Variants in VCL observed in about 807,000 individuals in gnomAD.
VCL encodes the protein vinculin.
Under a neutral mutation model 125.7 loss-of-function variants are expected in VCL, and 47 were observed. The observed-to-expected ratio is 0.37, with a 90% CI of 0.30 to 0.48. The LOEUF is 0.48. Ranked by LOEUF, VCL falls within the 20% of genes least tolerant of loss-of-function variation. The pLI is 0.99. For missense variants in VCL, 1,069 were observed against 1,455.5 expected (o/e 0.73, Z 4.32); for synonymous variants, 458 against 514.6 (o/e 0.89, Z 1.49).
In VCL at chr10:74,114,803, G is replaced by A; in HGVS notation, c.3162G>A (p.Glu1054=). 1 of 1,606,176 alleles carries A rather than the reference G, an allele frequency of 6.2e-7. No homozygotes were observed. Among genetic ancestry groups the A allele is most frequent in the East Asian group, 2.2e-5 (1 of 44,632 alleles). Residue 1054 remains glutamate (E), a synonymous_variant, in exon 21 of 22, where the codon GAG becomes GAA. Coordinates refer to ENST00000211998, the MANE Select transcript of VCL (RefSeq NM_014000.3). The stretch of plus-strand genomic sequence containing the variant: ...TTAAACTTTCTCTTTAGGTATGTGA[G>A]CGAATCCCAACCATAAGCACCCAGC... The part of the protein sequence containing the change: ...RIRTNLLQVC[E]RIPTISTQLK...
rs193084202 is a variant in VCL at position 74,014,289 on chromosome 10, T to C, written c.168+15914T>C. On this transcript the variant is annotated intron_variant, in intron 1 of 21. Transcript: ENST00000211998. ...CTCTGTCACCCAGGCTGGAGTGCAA[T>C]GGCTCAATCTCGGCTCACTGCAGCC... Among the ~76,000 whole-genome samples the C allele has an allele frequency of 2.6e-5, 4 of 152,236 alleles. No homozygotes were observed. The East Asian group carries it at 7.7e-4, about 29-fold the overall frequency.
intron 6 of VCL, among the ~76,000 whole-genome samples, chr10:74,080,225 T>G (rs1229181758): frequency 6.6e-6 from 1 of 152,182 alleles, no homozygotes; most frequent in Non-Finnish European, 1.5e-5. Context: ...CTCTGCAGTA[T>G]TAACCAAAGT....
chr10:74,089,925 A>G (rs1591702021), intron 9 of VCL, 98 bp from the exon 10 acceptor site: 1 of 1,287,134 alleles, frequency 7.8e-7, no homozygotes, highest in South Asian at 1.2e-5. Context: ...GATTACTGGT[A>G]TATTACTTTT....
At chr10:74,042,563 GA>G (rs1841114558) in intron 1 of VCL, among the ~76,000 whole-genome samples, 1 of 152,120 alleles carries the variant, frequency 6.6e-6, no homozygotes, top group African/African-American at 2.4e-5. Context: ...TATAATTAGG[GA>G]AAAATATCAT....
chr10:74,034,368 C>T (rs777607590), intron 1 of VCL, among the ~76,000 whole-genome samples: 1 of 152,150 alleles, frequency 6.6e-6, no homozygotes, highest in Non-Finnish European at 1.5e-5. Context: ...GCTGGCCATG[C>T]TTTCCCATAT....
Position 74,070,770 on chromosome 10 carries a change from G to T in VCL, c.340G>T (p.Gly114Cys). The T allele has an allele frequency of 6.2e-7, 1 of 1,614,014 alleles. No individual in the cohort carries two copies. Residue 114 changes from glycine to cysteine, a missense_variant, in exon 3 of 22, where the codon GGC (glycine) becomes TGC (cysteine). Gly to Cys is a radical substitution (Grantham distance 159). This residue lies in a region of VCL where 8 missense variants were observed against 29.1 expected (regional missense o/e 0.28). Coordinates refer to ENST00000211998, the MANE Select transcript of VCL (RefSeq NM_014000.3). The stretch of plus-strand genomic sequence containing the variant: ...AGATTATCTAATTGATGGGTCAAGG[G>T]GCATCCTCTCTGGAACATCAGACCT... ...ARDYLIDGSRGILSGTSDLLL... is the reference protein window; with the variant it reads ...ARDYLIDGSRCILSGTSDLLL...
intron 13 of VCL, among the ~76,000 whole-genome samples, chr10:74,098,045 G>A (rs1320748339): frequency 6.6e-6 from 1 of 152,186 alleles, no homozygotes; most frequent in Non-Finnish European, 1.5e-5. Flanking sequence ...GTCGGTACAG[G>A]TGGCTTTAGC....
At chr10:74,088,004 A>G (rs1839815852) in intron 8 of VCL, among the ~76,000 whole-genome samples, 1 of 152,238 alleles carries the variant, frequency 6.6e-6, no homozygotes. Flanking sequence ...CCGTCTCAAA[A>G]AAAATAAAAA....
intron 1 of VCL, among the ~76,000 whole-genome samples, chr10:74,026,702 CT>C (rs1248675200): frequency 3.3e-5 from 5 of 152,216 alleles, no homozygotes; most frequent in Admixed American, 3.3e-4. Context: ...AGAGATGTTA[CT>C]TTTTCCATTT....
intron 2 of VCL, among the ~76,000 whole-genome samples, chr10:74,053,961 T>C (rs766080243): frequency 6.6e-6 from 1 of 152,152 alleles, no homozygotes; most frequent in Non-Finnish European, 1.5e-5. Context: ...GTTTTCAAAA[T>C]TCTTTTTAAT....
At chr10:73,998,943 C>T (rs966017532) in intron 1 of VCL, among the ~76,000 whole-genome samples, 1 of 152,138 alleles carries the variant, frequency 6.6e-6, no homozygotes, top group African/African-American at 2.4e-5. Flanking sequence ...CCCAGAGCTC[C>T]CTGTATTCCG....
chr10:74,085,002 T>C (rs1000536805), intron 8 of VCL, among the ~76,000 whole-genome samples: 23 of 152,214 alleles, frequency 1.5e-4, no homozygotes, highest in African/African-American at 5.5e-4. Flanking sequence ...TTTGAACTCC[T>C]GGGCTCAAGC....
chr10:74,091,078 G>C (rs1839875182), intron 10 of VCL, among the ~76,000 whole-genome samples: 1 of 152,132 alleles, frequency 6.6e-6, no homozygotes, highest in African/African-American at 2.4e-5. Flanking sequence ...TGGGATTACA[G>C]GCATGAGCCA....
In VCL at chr10:74,072,838, C is replaced by G; in HGVS notation, c.608C>G (p.Pro203Arg). Residue 203 changes from proline (P) to arginine (R), a missense_variant, in exon 5 of 22, where the codon CCA becomes CGA. Physicochemically the swap from Pro to Arg is moderately radical, Grantham distance 103 (BLOSUM62 -2). Coordinates refer to ENST00000211998, the MANE Select transcript of VCL (RefSeq NM_014000.3). ...NSMNTVKELLPVLISAMKIFV... is the reference protein window; with the variant it reads ...NSMNTVKELLRVLISAMKIFV... Reference sequence around the variant, plus strand: ...ATGAACACCGTGAAAGAGTTGCTGCCAGTTCTCATTTCAGGTACTTCCTGC... The same window carrying G: ...ATGAACACCGTGAAAGAGTTGCTGCGAGTTCTCATTTCAGGTACTTCCTGC... 6.2e-7 allele frequency: 1 copy of G among 1,614,026 alleles called. No homozygotes were observed. The highest frequency in any genetic ancestry group is 8.5e-7 in the Non-Finnish European group (1 of 1,179,982).
intron 11 of VCL, among the ~76,000 whole-genome samples, chr10:74,094,848 C>A (rs958354049): frequency 6.6e-6 from 1 of 152,054 alleles, no homozygotes; most frequent in Non-Finnish European, 1.5e-5. Flanking sequence ...GTGGGAGGAT[C>A]GCTTGAGACC....
chr10:74,085,597 A>C (rs754793835), intron 8 of VCL, among the ~76,000 whole-genome samples: 3 of 152,158 alleles, frequency 2.0e-5, no homozygotes, highest in Non-Finnish European at 4.4e-5. Context: ...ATATAATATA[A>C]ATTTGTTTGG....
At chr10:74,105,444 A>G (rs1243413822) in intron 16 of VCL, 91 bp downstream of exon 16, 3 of 1,545,558 alleles carry the variant, frequency 1.9e-6, no homozygotes, top group Non-Finnish European at 2.7e-6. Flanking sequence ...ACCACCACAT[A>G]CAAAGTCTGG....
At chr10:74,033,620 A>T (rs182935768) in intron 1 of VCL, among the ~76,000 whole-genome samples, 1 of 152,198 alleles carries the variant, frequency 6.6e-6, no homozygotes, top group East Asian at 1.9e-4. Flanking sequence ...TCCACCAGCT[A>T]CTTATCTGTT....
At chr10:74,084,160 C>T (rs1294581314) in intron 8 of VCL, among the ~76,000 whole-genome samples, 4 of 152,172 alleles carry the variant, frequency 2.6e-5, no homozygotes, top group South Asian at 2.1e-4. Context: ...CCACTGTGCC[C>T]GGCCACACCT....
Sources: allele counts gnomAD v4.1 joint callset (sites outside exome capture counted in the v4.1 genomes callset), GRCh38; gene constraint gnomAD v4.1.1; regional missense constraint gnomAD v4.1.1; transcripts MANE v1.5; gene names NCBI Gene and HGNC (gene_info 2026-07-23, HGNC 2026-07-21).